The following RCBTB1 variants were observed in gnomAD, a reference collection of about 807,000 sequenced individuals.
RCBTB1 encodes the protein RCC1 and BTB domain-containing protein 1.
A neutral mutation model predicts 62.4 loss-of-function variants in RCBTB1; 46 were observed. The observed-to-expected ratio is 0.74, with a 90% CI of 0.58 to 0.94. RCBTB1 has a LOEUF of 0.94. Ranked by LOEUF, RCBTB1 falls within the 40% of genes least tolerant of loss-of-function variation. The pLI is 0.00. For missense variants in RCBTB1, 565 were observed against 654.9 expected (o/e 0.86, Z 1.50); for synonymous variants, 222 against 245.8 (o/e 0.90, Z 0.91).
chr13:49,539,343 T>G (rs989175971), intron 12 of RCBTB1: 1 of 152,212 alleles, frequency 6.6e-6, no homozygotes, highest in African/African-American at 2.4e-5. Context: ...ATACTTAATA[T>G]GAGAAAAATG....
chr13:49,549,736 G>A (rs1389964519), intron 8 of RCBTB1, 88 bp from the exon 9 acceptor site: 25 of 1,498,468 alleles, frequency 1.7e-5, no homozygotes, highest in Middle Eastern at 1.8e-4. Flanking sequence ...GTTCATGCTT[G>A]CAATACCTCA....
At chr13:49,548,343 C>T (rs181764486) in intron 9 of RCBTB1, among the ~76,000 whole-genome samples, 9 of 149,508 alleles carry the variant, frequency 6.0e-5, no homozygotes, top group African/African-American at 1.7e-4. Context: ...GAGCCGAGAT[C>T]GCGCCATTGC....
At chr13:49,574,082 C>T (rs1963600232) in intron 2 of RCBTB1, among the ~76,000 whole-genome samples, 1 of 150,368 alleles carries the variant, frequency 6.7e-6, no homozygotes, top group Non-Finnish European at 1.5e-5. Flanking sequence ...CCACACCTGG[C>T]CTTCTTTGTA....
At chr13:49,579,010 C>G (rs919304444) in intron 2 of RCBTB1, among the ~76,000 whole-genome samples, 1 of 152,156 alleles carries the variant, frequency 6.6e-6, no homozygotes, top group African/African-American at 2.4e-5. Context: ...AATTCAAAAA[C>G]CCTCTCAAGG....
rs1369143367 is a variant in RCBTB1 at position 49,555,818 on chromosome 13, C to A, written c.445-145G>T. On this transcript the variant is annotated intron_variant, in intron 5 of 12. Coordinates refer to ENST00000378302, the MANE Select transcript of RCBTB1 (RefSeq NM_018191.4). ...GTTCTATATGCTTTACACACATTAA[C>A]CTATTTAACCTGCCTAGTAATCCTG... The A allele has an allele frequency of 4.2e-5, 26 of 611,946 alleles. No homozygotes were observed. In the East Asian group the frequency reaches 8.1e-4, roughly 19 times the overall value. 37.9% of individuals were successfully genotyped at this position (611,946 alleles called of 1,614,324 possible). A position where few individuals can be genotyped will look rare whatever the true frequency, so the allele number is the denominator to read the frequency against.
chr13:49,564,886 G>A (rs1210112977), intron 4 of RCBTB1, among the ~76,000 whole-genome samples: 2 of 136,342 alleles, frequency 1.5e-5, no homozygotes, highest in Non-Finnish European at 3.0e-5. Flanking sequence ...GAGAGACTCC[G>A]TCTCAAAAAA....
At chr13:49,552,308 G>C (rs1961437850) in intron 6 of RCBTB1, 23 bp from the exon 7 acceptor site, 1 of 1,497,582 alleles carries the variant, frequency 6.7e-7, no homozygotes, top group Non-Finnish European at 9.2e-7. Flanking sequence ...AGAAGGGAGA[G>C]AGTGAGATTT....
intron 4 of RCBTB1, among the ~76,000 whole-genome samples, chr13:49,563,004 G>C (rs1454986672): frequency 6.6e-6 from 1 of 150,426 alleles, no homozygotes; most frequent in Admixed American, 6.6e-5. Flanking sequence ...AATTACACCA[G>C]AGTACAGAAT....
In RCBTB1 at chr13:49,567,255, T is replaced by C; in HGVS notation, c.25A>G (p.Ile9Val). Reference sequence around the variant, plus strand: ...TCTTGAGGGGAGAGTAGAGTGAAGATGGGCCACTTTCCGACATCCACCATG... The same window carrying C: ...TCTTGAGGGGAGAGTAGAGTGAAGACGGGCCACTTTCCGACATCCACCATG... Reference protein sequence around the residue: MVDVGKWPIFTLLSPQEIA... With the variant: MVDVGKWPVFTLLSPQEIA... The change falls in exon 3 of 13, where the codon ATC (isoleucine) becomes GTC (valine). Residue 9 changes from isoleucine to valine, a missense_variant. Ile to Val is a conservative substitution (Grantham distance 29). Coordinates refer to ENST00000378302, the MANE Select transcript of RCBTB1 (RefSeq NM_018191.4). 1.2e-6 allele frequency: 2 copies of C among 1,614,054 alleles called. No individual in the cohort carries two copies. Among genetic ancestry groups the C allele is most frequent in the Non-Finnish European group, 1.7e-6 (2 of 1,180,014 alleles).
chr13:49,567,060 A>G (rs1262843192), intron 3 of RCBTB1, 94 bp downstream of exon 3: 35 of 1,197,588 alleles, frequency 2.9e-5, no homozygotes, highest in Non-Finnish European at 4.1e-5. Flanking sequence ...CTCTTTATTT[A>G]TACCCCGCCT....
At chr13:49,565,855 A>G (rs112802948) in intron 4 of RCBTB1, among the ~76,000 whole-genome samples, 3,896 of 151,722 alleles carry the variant, frequency 0.026, 91 homozygotes, top group East Asian at 0.14. Context: ...TAGAGAAATC[A>G]GATTGTTGCT....
At position 49,551,832 on chromosome 13, in the gene RCBTB1, G is replaced by A. The variant is rs566575154; in HGVS notation, c.711+346C>T. 4.6e-5 allele frequency among the ~76,000 whole-genome samples: 7 copies of A among 151,316 alleles called. No homozygotes were observed. The East Asian group carries it at 1.4e-3, about 29-fold the overall frequency. On this transcript the variant is annotated intron_variant, in intron 7 of 12. Transcript: ENST00000378302. The stretch of plus-strand genomic sequence containing the variant: ...GGAGAATGGCGTGAACTCGGGAGGC[G>A]GAGCTTGCAGAGAGCTGAGATCGTG...
At chr13:49,562,776 CTTTTTTTTTTTT>C (rs58896397) in intron 4 of RCBTB1, among the ~76,000 whole-genome samples, 3 of 61,344 alleles carry the variant, frequency 4.9e-5, no homozygotes, top group African/African-American at 1.5e-4. Flanking sequence ...CCATCCCCGG[CTTTTTTTTTTTT>C]TTTTTTTTTT....
chr13:49,539,018 C>T (rs975278044), intron 12 of RCBTB1, among the ~76,000 whole-genome samples: 10 of 151,942 alleles, frequency 6.6e-5, no homozygotes, highest in African/African-American at 9.7e-5. Flanking sequence ...TACAGGTACG[C>T]ACCACCACAC....
chr13:49,549,790 C>A (rs1312979972), intron 8 of RCBTB1, 142 bp from the exon 9 acceptor site: 1 of 1,428,378 alleles, frequency 7.0e-7, no homozygotes, highest in Non-Finnish European at 9.2e-7. Context: ...CAAGTCACAG[C>A]AACAAAAGCA....
Position 49,541,759 on chromosome 13 carries a change from T to A in RCBTB1, c.1241A>T (p.Asp414Val). The change falls in exon 11 of 13, where the codon GAT becomes GTT. Residue 414 changes from aspartate (D) to valine (V), a missense_variant. Coordinates refer to ENST00000378302, the MANE Select transcript of RCBTB1 (RefSeq NM_018191.4). ...NEDMKEVIEI[D>V]QFSYPVYRAF... ...ACGATACACTGGGTAAGAAAACTGA[T>A]CGATTTCTATCACTTCCTTCATGTC... 1 of 1,614,060 alleles carries A rather than the reference T, an allele frequency of 6.2e-7. No homozygotes were observed. The highest frequency in any genetic ancestry group is 8.5e-7 in the Non-Finnish European group (1 of 1,179,982).
chr13:49,535,022 G>A (rs1259197483), intron 12 of RCBTB1, among the ~76,000 whole-genome samples: 1 of 151,340 alleles, frequency 6.6e-6, no homozygotes, highest in African/African-American at 2.4e-5. Flanking sequence ...TGACAGAGCA[G>A]AGGCTCTGAA....
chr13:49,567,425 A>C, intron 2 of RCBTB1, 105 bp from the exon 3 acceptor site: 1 of 788,416 alleles, frequency 1.3e-6, no homozygotes, highest in Non-Finnish European at 2.0e-6. Flanking sequence ...TTCTAGAATA[A>C]ATGAACTACC....
At chr13:49,563,701 C>T (rs886250869) in intron 4 of RCBTB1, among the ~76,000 whole-genome samples, 2 of 152,182 alleles carry the variant, frequency 1.3e-5, no homozygotes, top group African/African-American at 4.8e-5. Context: ...TGCCAGAAGG[C>T]ATGATTACGC....
Sources: allele counts gnomAD v4.1 joint callset (sites outside exome capture counted in the v4.1 genomes callset), GRCh38; gene constraint gnomAD v4.1.1; transcripts MANE v1.5; gene names NCBI Gene and HGNC (gene_info 2026-07-23, HGNC 2026-07-21).